Variants in RBPJ observed in about 807,000 individuals in gnomAD.
RBPJ encodes recombination signal binding protein for immunoglobulin kappa J region, also known as recombining binding protein suppressor of hairless.
RBPJ carries 9 observed loss-of-function variants against 67.8 expected under a neutral mutation model. The ratio of observed to expected loss-of-function variants is 0.13; its 90% CI spans 0.08 to 0.23. RBPJ has a LOEUF of 0.23. Among genes scored for constraint, RBPJ ranks in the 10% least tolerant of loss-of-function variants. The pLI, the probability that RBPJ is intolerant of heterozygous loss-of-function variation, is 1.00. For missense variants in RBPJ, 305 were observed against 595.6 expected (o/e 0.51, Z 5.08); for synonymous variants, 198 against 203.3 (o/e 0.97, Z 0.22).
At chr4:26,178,194 C>T (rs545876109) in intron 1 of RBPJ, among the ~76,000 whole-genome samples, 1 of 152,268 alleles carries the variant, frequency 6.6e-6, no homozygotes, top group Non-Finnish European at 1.5e-5. Context: ...AAAGATATAT[C>T]TTAGGTTTTC....
chr4:26,114,205 T>A, the RBPJ span, among the ~76,000 whole-genome samples: 93 of 152,282 alleles, frequency 6.1e-4, no homozygotes, highest in Middle Eastern at 0.014. Flanking sequence ...ATGCCTGTAA[T>A]CCCAGCACTT....
intron 1 of RBPJ, among the ~76,000 whole-genome samples, chr4:26,385,825 CAG>C (rs1176435525): frequency 6.7e-6 from 1 of 148,968 alleles, no homozygotes; most frequent in Non-Finnish European, 1.5e-5. Context: ...TTTTTTGAGA[CAG>C]AGTCTTGCTG....
At chr4:26,382,017 G>T (rs1245119845) in intron 1 of RBPJ, among the ~76,000 whole-genome samples, 1 of 151,888 alleles carries the variant, frequency 6.6e-6, no homozygotes, top group Non-Finnish European at 1.5e-5. Context: ...AGTTAAAAGG[G>T]CCCCTAGACA....
intron 1 of RBPJ, among the ~76,000 whole-genome samples, chr4:26,269,530 A>G (rs1720812245): frequency 1.3e-5 from 2 of 152,156 alleles, no homozygotes; most frequent in South Asian, 4.1e-4. Flanking sequence ...TGCTGGGATT[A>G]AAGGTGTGAG....
chr4:26,338,783 C>G lies in RBPJ; in HGVS notation c.20+17735C>G, dbSNP rs543807020. 7.0e-4 allele frequency among the ~76,000 whole-genome samples: 107 copies of G among 151,962 alleles called. 1 individual carries two copies. Among genetic ancestry groups the G allele is most frequent in the African/African-American group, 2.5e-3 (104 of 41,420 alleles). On this transcript the variant is annotated intron_variant, in intron 1 of 10. Transcript: ENST00000355476. ...AGAGATGGGGTTTCACCATCTTTCC[C>G]AGGCTGGTCTTGAACTCCTGACCTC...
chr4:26,215,327 A>AAG (rs1163629573), intron 1 of RBPJ, among the ~76,000 whole-genome samples: 1 of 51,520 alleles, frequency 1.9e-5, no homozygotes, highest in East Asian at 2.7e-3. Context: ...GAAAGAAAGA[A>AAG]AAAGAGAGAG....
rs181456487 is a variant in RBPJ at position 26,365,152 on chromosome 4, A to T, written c.21-21201A>T. Among the ~76,000 whole-genome samples the T allele has an allele frequency of 2.0e-4, 30 of 152,004 alleles. No homozygotes were observed. In the East Asian group the frequency reaches 4.8e-3, roughly 24 times the overall value. ...TGCAGGTTTGGGCATGTAGGAAGCCAGTGTCAGATTAAGTGTTGATGATTA... is the reference window on the plus strand; with the variant it reads ...TGCAGGTTTGGGCATGTAGGAAGCCTGTGTCAGATTAAGTGTTGATGATTA... On this transcript the variant is annotated intron_variant, in intron 1 of 10. Transcript: ENST00000355476.
At chr4:26,237,222 C>G (rs926613978) in intron 1 of RBPJ, among the ~76,000 whole-genome samples, 2 of 152,142 alleles carry the variant, frequency 1.3e-5, no homozygotes, top group Admixed American at 6.6e-5. Context: ...TGAATAGCAA[C>G]AGCAACAACA....
At chr4:26,334,675 A>T (rs1276200416) in intron 1 of RBPJ, among the ~76,000 whole-genome samples, 1 of 152,148 alleles carries the variant, frequency 6.6e-6, no homozygotes. Flanking sequence ...ATGCTTACAT[A>T]TTAAAACCTG....
At chr4:26,246,255 T>C (rs148378217) in intron 1 of RBPJ, among the ~76,000 whole-genome samples, 18 of 152,248 alleles carry the variant, frequency 1.2e-4, no homozygotes, top group East Asian at 1.9e-4. Context: ...TGTTTCATAG[T>C]TTCTGGTGTT....
intron 1 of RBPJ, among the ~76,000 whole-genome samples, chr4:26,260,329 G>A (rs1720485073): frequency 6.6e-6 from 1 of 152,108 alleles, no homozygotes; most frequent in Admixed American, 6.5e-5. Context: ...TTAACCTTAA[G>A]TGTAGAAACT....
At position 26,433,972 on chromosome 4, in the gene RBPJ, A is replaced by T. The variant is rs1393636262; in HGVS notation, c.*2965A>T. ...TTTTAGAAATGTATCTTATGCTCTC[A>T]TGACTATGCAGTTTCTAAACATACA... On this transcript the variant is annotated 3_prime_UTR_variant, in exon 11 of 11. Transcript: ENST00000355476. 4 of 152,220 alleles carry T rather than the reference A, an allele frequency of 2.6e-5. No individual in the cohort carries two copies. Among genetic ancestry groups the T allele is most frequent in the Non-Finnish European group, 5.9e-5 (4 of 68,034 alleles). 9.4% of individuals were successfully genotyped at this position (152,220 alleles called of 1,614,324 possible).
At chr4:26,113,479 A>G in the RBPJ span, 1 of 555,702 alleles carries the variant, frequency 1.8e-6, no homozygotes. Flanking sequence ...CACACACAGG[A>G]GAAAAGCCCT....
chr4:26,345,802 C>T (rs563281156), intron 1 of RBPJ, among the ~76,000 whole-genome samples: 1 of 152,288 alleles, frequency 6.6e-6, no homozygotes, highest in South Asian at 2.1e-4. Flanking sequence ...ACTACCCCAT[C>T]CCGTACTTTG....
At chr4:26,320,420 G>A (rs7657866), upstream of RBPJ, 54,761 of 342,192 alleles carry the variant, frequency 0.16, 7,337 homozygotes, top group African/African-American at 0.44. Flanking sequence ...GACAGTCCCC[G>A]ACGTGTCACT....
intron 1 of RBPJ, among the ~76,000 whole-genome samples, chr4:26,309,475 T>C (rs1469232636): frequency 6.6e-6 from 1 of 152,232 alleles, no homozygotes; most frequent in Non-Finnish European, 1.5e-5. Context: ...TTATTTTATG[T>C]AATACCTCAA....
At position 26,169,106 on chromosome 4, in the gene RBPJ, G is replaced by A. The variant is rs537157334; in HGVS notation, c.-167+5492G>A. On this transcript the variant is annotated intron_variant, in intron 1 of 4. Coordinates refer to the RBPJ transcript ENST00000512351. Reference sequence around the variant, plus strand: ...ATTCTCTGTCCAGCTTTGTTATGTTGCTGGTGAGGAACTGCGTTCCTTTGG... The same window carrying A: ...ATTCTCTGTCCAGCTTTGTTATGTTACTGGTGAGGAACTGCGTTCCTTTGG... 3.9e-5 allele frequency among the ~76,000 whole-genome samples: 6 copies of A among 152,322 alleles called. No individual in the cohort carries two copies. In the East Asian group the frequency reaches 1.2e-3, roughly 29 times the overall value.
At chr4:26,426,497 C>G (rs1735683779) in intron 7 of RBPJ, among the ~76,000 whole-genome samples, 1 of 152,188 alleles carries the variant, frequency 6.6e-6, no homozygotes, top group Non-Finnish European at 1.5e-5. Flanking sequence ...GACGCTGATA[C>G]ATAAATCTTT....
At chr4:26,193,506 G>T (rs920285175) in intron 1 of RBPJ, among the ~76,000 whole-genome samples, 4 of 151,804 alleles carry the variant, frequency 2.6e-5, no homozygotes, top group Non-Finnish European at 5.9e-5. Context: ...TTTAGTTGAA[G>T]ACTTTTTAAA....
Sources: gnomAD v4.1 joint callset for allele counts (sites outside exome capture counted in the v4.1 genomes callset) on GRCh38, gnomAD v4.1.1 for gene constraint, MANE v1.5 for transcripts, NCBI Gene and HGNC (gene_info 2026-07-23, HGNC 2026-07-21) for gene names.